The following ARFGEF3 variants were observed in gnomAD, a reference collection of about 807,000 sequenced individuals.
The protein encoded by ARFGEF3 is ARFGEF family member 3.
Under a neutral mutation model 221.7 loss-of-function variants are expected in ARFGEF3, and 96 were observed. That is an observed-to-expected ratio of 0.43 (90% confidence interval 0.37 to 0.51). The LOEUF (loss-of-function observed/expected upper bound fraction) is 0.51, where lower values mean the gene tolerates loss of function less well. ARFGEF3 is among the 20% of genes least tolerant of loss of function. ARFGEF3 has a pLI of 0.00. For synonymous variants in ARFGEF3, 1,145 were observed against 1,126.8 expected, an observed-to-expected ratio of 1.02 and a Z score of -0.32; for missense variants, 2,410 against 2,789.9, an observed-to-expected ratio of 0.86 and a Z score of 3.07.
intron 2 of ARFGEF3, among the ~76,000 whole-genome samples, chr6:138,202,894 G>GCACACACACCCACACACA (rs1283218046): frequency 6.6e-6 from 1 of 150,860 alleles, no homozygotes; most frequent in Non-Finnish European, 1.5e-5. Context: ...ACACACACAT[G>GCACACACACCCACACACA]CACACACACC....
At position 138,259,822 on chromosome 6, in the gene ARFGEF3, G is replaced by A. The variant is rs143021793; in HGVS notation, c.1105-1705G>A. ...CCAGCTACTTGGGAGGCTGAGACAG[G>A]AGAATCGCTTGAACCCAGGAGGCGG... On this transcript the variant is annotated intron_variant, in intron 10 of 33. Coordinates refer to ENST00000251691, the MANE Select transcript of ARFGEF3 (RefSeq NM_020340.5). Among the ~76,000 whole-genome samples, 524 of 152,260 alleles carry A rather than the reference G, an allele frequency of 3.4e-3. 1 individual carries two copies. Among genetic ancestry groups the A allele is most frequent in the African/African-American group, 0.012 (495 of 41,572 alleles).
intron 26 of ARFGEF3, among the ~76,000 whole-genome samples, chr6:138,316,139 T>C (rs922010423): frequency 6.6e-6 from 1 of 152,172 alleles, no homozygotes; most frequent in Admixed American, 6.5e-5. Context: ...TGCAAATCTT[T>C]GATTTTTTTT....
rs752112481 is a variant in ARFGEF3, at chr6:138,311,521, G to C, written c.4200+11G>C. ...AGGCGCTGCTCTCAGGTAGGGGAATGGTCCAGCTGGGCTCCCGGCCTGGAA... is the reference window on the plus strand; with the variant it reads ...AGGCGCTGCTCTCAGGTAGGGGAATCGTCCAGCTGGGCTCCCGGCCTGGAA... On this transcript the variant is annotated intron_variant, in intron 25 of 33. Transcript: ENST00000251691. The C allele has an allele frequency of 6.4e-7, 1 of 1,564,906 alleles. No individual in the cohort carries two copies. Among genetic ancestry groups the C allele is most frequent in the African/African-American group, 1.3e-5 (1 of 74,082 alleles).
chr6:138,268,718 C>T (rs1217973303), intron 12 of ARFGEF3, among the ~76,000 whole-genome samples: 2 of 152,176 alleles, frequency 1.3e-5, no homozygotes, highest in African/African-American at 4.8e-5. Flanking sequence ...CAGCCTTGCA[C>T]GGCAATTGAT....
At chr6:138,201,147 A>G (rs1251426272) in intron 2 of ARFGEF3, among the ~76,000 whole-genome samples, 1 of 152,234 alleles carries the variant, frequency 6.6e-6, no homozygotes, top group African/African-American at 2.4e-5. Context: ...AAGAATGGCC[A>G]TAATCAAAAA....
chr6:138,335,253 C>T (rs896932754), intron 33 of ARFGEF3, 65 bp downstream of exon 33: 6 of 1,439,050 alleles, frequency 4.2e-6, no homozygotes, highest in Non-Finnish European at 5.5e-6. Flanking sequence ...TGGGCCCCCC[C>T]TTGCAGAGCA....
chr6:138,163,764 G>A (rs1253192129), intron 1 of ARFGEF3, among the ~76,000 whole-genome samples: 1 of 152,174 alleles, frequency 6.6e-6, no homozygotes, highest in Non-Finnish European at 1.5e-5. Flanking sequence ...CTGAGTGGAT[G>A]TACTTCCTTT....
chr6:138,311,403 C>G lies in ARFGEF3; in HGVS notation c.4097-4C>G. 1 of 1,596,772 alleles carries G rather than the reference C, an allele frequency of 6.3e-7. No individual in the cohort carries two copies. Among genetic ancestry groups the G allele is most frequent in the Non-Finnish European group, 8.5e-7 (1 of 1,171,120 alleles). On this transcript the variant is annotated splice_polypyrimidine_tract_variant and splice_region_variant and intron_variant, in intron 24 of 33. Transcript: ENST00000251691. ...TTGGTCTCTGTCTCCCGTGCCGCCC[C>G]TAGGGGAGGTGGACTGTAAAGAGAT...
intron 12 of ARFGEF3, among the ~76,000 whole-genome samples, chr6:138,272,784 A>G (rs1010979692): frequency 1.3e-5 from 2 of 152,246 alleles, no homozygotes; most frequent in African/African-American, 2.4e-5. Flanking sequence ...GAGTGGGTGT[A>G]AGAGTGCTCT....
intron 32 of ARFGEF3, among the ~76,000 whole-genome samples, chr6:138,333,632 C>T (rs1048571171): frequency 6.6e-5 from 10 of 151,976 alleles, no homozygotes; most frequent in South Asian, 2.1e-4. Context: ...TTAGTAGAGA[C>T]GGGGTTTCAC....
At chr6:138,165,436 G>T (rs570325245) in intron 1 of ARFGEF3, among the ~76,000 whole-genome samples, 1 of 141,320 alleles carries the variant, frequency 7.1e-6, no homozygotes, top group African/African-American at 2.7e-5. Flanking sequence ...TCACTTAGAC[G>T]CTCATGGGAG....
chr6:138,209,773 C>T (rs968479990), intron 3 of ARFGEF3, 137 bp from the exon 4 acceptor site: 10 of 1,075,070 alleles, frequency 9.3e-6, no homozygotes, highest in Admixed American at 7.1e-5. Context: ...CGGCACATAG[C>T]GTAAGTTCTT....
intron 4 of ARFGEF3, among the ~76,000 whole-genome samples, chr6:138,212,048 C>T (rs1253637251): frequency 3.3e-5 from 5 of 152,076 alleles, no homozygotes; most frequent in African/African-American, 1.2e-4. Flanking sequence ...AAGATAAGGG[C>T]CTTTGTTACA....
At chr6:138,217,854 C>T in intron 4 of ARFGEF3, 1 of 1,292,824 alleles carries the variant, frequency 7.7e-7, no homozygotes, top group African/African-American at 1.5e-5. Context: ...CCTACATCAT[C>T]AAATTCTTTT....
At chr6:138,269,716 A>C (rs1778964088) in intron 12 of ARFGEF3, among the ~76,000 whole-genome samples, 2 of 152,182 alleles carry the variant, frequency 1.3e-5, no homozygotes, top group South Asian at 4.1e-4. Flanking sequence ...CTGAGGCAGT[A>C]GAATCGCTTG....
In ARFGEF3 at chr6:138,162,865, G is replaced by C. The variant is rs972941711; in HGVS notation, c.85+694G>C. ...AAGACATTTCAGTTAGGCGGGGTTTGGGCAATCAAAATGGTCAGGATGGTA... is the reference window on the plus strand; with the variant it reads ...AAGACATTTCAGTTAGGCGGGGTTTCGGCAATCAAAATGGTCAGGATGGTA... On this transcript the variant is annotated intron_variant, in intron 1 of 33. Transcript: ENST00000251691. This position sits in a 1 kb window ranked among gnomAD's most constrained non-coding sequence, Gnocchi z 4.7. 6.6e-6 allele frequency among the ~76,000 whole-genome samples: 1 copy of C among 152,192 alleles called. No individual in the cohort carries two copies. The highest frequency in any genetic ancestry group is 6.5e-5 in the Admixed American group (1 of 15,284).
chr6:138,179,030 A>G (rs903383567), intron 2 of ARFGEF3, among the ~76,000 whole-genome samples: 9 of 152,188 alleles, frequency 5.9e-5, no homozygotes, highest in African/African-American at 1.9e-4. Context: ...CTAAAGATAC[A>G]AAGTTTTCAG....
At chr6:138,254,626 A>T (rs1778641789) in intron 9 of ARFGEF3, among the ~76,000 whole-genome samples, 1 of 152,000 alleles carries the variant, frequency 6.6e-6, no homozygotes, top group Admixed American at 6.5e-5. Flanking sequence ...GCTACTCGGG[A>T]GGCTGAGGCA....
chr6:138,278,379 C>A, intron 12 of ARFGEF3, 72 bp from the exon 13 acceptor site: 1 of 1,414,942 alleles, frequency 7.1e-7, no homozygotes, highest in Non-Finnish European at 9.8e-7. Flanking sequence ...GATGGGTTCG[C>A]AGCTCTCTGG....
Sources: allele counts gnomAD v4.1 joint callset (sites outside exome capture counted in the v4.1 genomes callset), GRCh38; gene constraint gnomAD v4.1.1; non-coding constraint Gnocchi (gnomAD v3.1); transcripts MANE v1.5; gene names NCBI Gene and HGNC (gene_info 2026-07-23, HGNC 2026-07-21).